Variants in HAUS6 observed in about 807,000 individuals in gnomAD.
HAUS6 encodes the protein HAUS augmin like complex subunit 6, also known as HAUS augmin-like complex subunit 6.
A neutral mutation model predicts 106.8 loss-of-function variants in HAUS6; 80 were observed. The observed-to-expected ratio is 0.75, with a 90% CI of 0.63 to 0.90. The LOEUF is 0.90. Ranked by LOEUF, HAUS6 falls within the 40% of genes least tolerant of loss-of-function variation. The probability of loss-of-function intolerance (pLI) is 0.00; values close to 1 mark genes in which losing one functional copy is unlikely to be tolerated. For missense variants in HAUS6, 1,155 were observed against 1,118.1 expected, an observed-to-expected ratio of 1.03 and a Z score of -0.47; for synonymous variants, 356 against 379.1, an observed-to-expected ratio of 0.94 and a Z score of 0.71.
rs901222965 is a variant in HAUS6, at chr9:19,079,661, G to A, written c.1064+818C>T. On this transcript the variant is annotated intron_variant, in intron 9 of 16. Transcript: ENST00000380502. ...TTTCTGGTTAATAAAAAAACTGTTCGAAAGGCTGAGGCAGGCGGATCACCT... is the reference window on the plus strand; with the variant it reads ...TTTCTGGTTAATAAAAAAACTGTTCAAAAGGCTGAGGCAGGCGGATCACCT... Among the ~76,000 whole-genome samples the A allele has an allele frequency of 6.6e-5, 10 of 152,176 alleles. 1 individual carries two copies. Among genetic ancestry groups the A allele is most frequent in the South Asian group, 2.1e-4 (1 of 4,822 alleles).
intron 4 of HAUS6, among the ~76,000 whole-genome samples, chr9:19,090,555 G>A (rs563201756): frequency 1.7e-4 from 26 of 152,156 alleles, no homozygotes; most frequent in South Asian, 1.7e-3. Context: ...TAGTAGAGAC[G>A]GGTTTCACCC....
At chr9:19,094,225 G>T in intron 3 of HAUS6, 92 bp downstream of exon 3, 1 of 698,914 alleles carries the variant, frequency 1.4e-6, no homozygotes, top group Non-Finnish European at 2.5e-6. Context: ...TAGCATTAAA[G>T]CATTAAAAGG....
At chr9:19,102,136 C>G (rs1262630973) in intron 1 of HAUS6, among the ~76,000 whole-genome samples, 1 of 152,192 alleles carries the variant, frequency 6.6e-6, no homozygotes. Context: ...TAAACAACCA[C>G]CTTCAAAGGC....
At chr9:19,064,346 A>T (rs908265181) in intron 12 of HAUS6, among the ~76,000 whole-genome samples, 3 of 152,216 alleles carry the variant, frequency 2.0e-5, no homozygotes, top group African/African-American at 7.2e-5. Flanking sequence ...ACTCTATAGC[A>T]AACATGTTAC....
chr9:19,064,124 C>G (rs1254000796), intron 12 of HAUS6, among the ~76,000 whole-genome samples: 1 of 152,080 alleles, frequency 6.6e-6, no homozygotes, highest in Admixed American at 6.6e-5. Context: ...TGCGCCACAA[C>G]ACCTGAGTAA....
In HAUS6 at chr9:19,063,184, T is replaced by C. The variant is rs1205781590; in HGVS notation, c.1453A>G (p.Met485Val). The change falls in exon 14 of 17, where the codon ATG (methionine) becomes GTG (valine). Residue 485 changes from methionine (M) to valine (V), a missense_variant. Met to Val is a conservative substitution (Grantham distance 21). Transcript: ENST00000380502. ...TCATTTTTTTCTTTGGGAGTTCCCA[T>C]CTTTGTGTCCTGAAGAAGACAGATA... ...SVTVLEKDTKMGTPKEKNEAI... is the reference protein window; with the variant it reads ...SVTVLEKDTKVGTPKEKNEAI... 3 of 1,597,888 alleles carry C rather than the reference T, an allele frequency of 1.9e-6. No homozygotes were observed. Among genetic ancestry groups the C allele is most frequent in the Non-Finnish European group, 2.6e-6 (3 of 1,167,768 alleles).
intron 11 of HAUS6, among the ~76,000 whole-genome samples, chr9:19,073,067 T>A (rs1176914791): frequency 6.6e-6 from 1 of 152,124 alleles, no homozygotes; most frequent in Non-Finnish European, 1.5e-5. Context: ...ATGTAATAAA[T>A]TTATTTTATA....
At chr9:19,063,246 G>A (rs185609478) in intron 13 of HAUS6, 53 bp from the exon 14 acceptor site, 10 of 1,194,980 alleles carry the variant, frequency 8.4e-6, no homozygotes, top group African/African-American at 6.1e-5. Context: ...GGCTGATCCT[G>A]AAGCTGTCTT....
At chr9:19,073,279 T>C (rs1428647821) in intron 11 of HAUS6, among the ~76,000 whole-genome samples, 2 of 152,154 alleles carry the variant, frequency 1.3e-5, no homozygotes, top group African/African-American at 4.8e-5. Context: ...CTTTTAAATA[T>C]GCTGAAATAT....
At chr9:19,096,541 G>A (rs539165263) in intron 2 of HAUS6, 133 bp downstream of exon 2, 18 of 524,326 alleles carry the variant, frequency 3.4e-5, no homozygotes, top group South Asian at 1.2e-4. Flanking sequence ...CTCCAGCCTC[G>A]ATGACGGAGT....
rs138642564 is a variant in HAUS6 at position 19,078,221 on chromosome 9, T to C, written c.1146A>G (p.Glu382=). ...KQGEWHKKWK[E]FLGLSPFSLI... The stretch of plus-strand genomic sequence containing the variant: ...GACTGAAAGGAGACAAACCAAGAAA[T>C]TCTTTCCACTTTTTATGCCATTCTC... The change falls in exon 10 of 17, where the codon GAA becomes GAG. Residue 382 remains glutamate (E), a synonymous_variant. Transcript: ENST00000380502. 6.3e-7 allele frequency: 1 copy of C among 1,597,576 alleles called. No homozygotes were observed. The highest frequency in any genetic ancestry group is 1.3e-5 in the African/African-American group (1 of 74,544).
intron 9 of HAUS6, among the ~76,000 whole-genome samples, chr9:19,079,189 A>C (rs560526056): frequency 6.0e-5 from 9 of 150,620 alleles, no homozygotes; most frequent in African/African-American, 2.2e-4. Context: ...AAATACACGA[A>C]ACAATAATAC....
chr9:19,081,736 G>A (rs1416234443), intron 8 of HAUS6, among the ~76,000 whole-genome samples: 1 of 152,102 alleles, frequency 6.6e-6, no homozygotes, highest in East Asian at 1.9e-4. Context: ...ACCATACCCA[G>A]ACAGTTTCCA....
chr9:19,102,068 G>A (rs944669600), intron 1 of HAUS6, among the ~76,000 whole-genome samples: 1 of 152,120 alleles, frequency 6.6e-6, no homozygotes, highest in African/African-American at 2.4e-5. Flanking sequence ...ACCCTTCTCC[G>A]TTGTTTTATG....
chr9:19,078,571 T>G (rs555638661), intron 9 of HAUS6, among the ~76,000 whole-genome samples: 19 of 152,210 alleles, frequency 1.2e-4, no homozygotes, highest in African/African-American at 3.6e-4. Flanking sequence ...GTGGATCACC[T>G]GAGGTCAGGA....
chr9:19,056,294 G>A lies in HAUS6; in HGVS notation c.*49C>T, dbSNP rs1234866539. 1 of 860,640 alleles carries A rather than the reference G, an allele frequency of 1.2e-6. No homozygotes were observed. Among genetic ancestry groups the A allele is most frequent in the Non-Finnish European group, 2.0e-6 (1 of 508,042 alleles). The allele number at this position is 860,640 out of a possible 1,614,324, so 53.3% of individuals were successfully genotyped here. A position where few individuals can be genotyped will look rare whatever the true frequency, so the allele number is the denominator to read the frequency against. ...GTTGTAATTCATTTTCTATCCTGTG[G>A]CATAGCTTCAATTTAAGTGCATCAT... On this transcript the variant is annotated 3_prime_UTR_variant, in exon 17 of 17. Coordinates refer to ENST00000380502, the MANE Select transcript of HAUS6 (RefSeq NM_017645.5).
At chr9:19,079,321 T>C (rs1716450995) in intron 9 of HAUS6, among the ~76,000 whole-genome samples, 1 of 150,594 alleles carries the variant, frequency 6.6e-6, no homozygotes, top group African/African-American at 2.4e-5. Flanking sequence ...AACCTCTGCC[T>C]CCCAGGTTCA....
Position 19,102,867 on chromosome 9 carries a change from C to CA in HAUS6, c.-217dup. On this transcript the variant is annotated 5_prime_UTR_variant, in exon 1 of 17. Transcript: ENST00000380502. ...CGGTATAGTGCGGCCACCACTGCCT[C>CA]AGCGAAGCCACCACAAACCGAGACT... 1 of 432,828 alleles carries CA rather than the reference C, an allele frequency of 2.3e-6. No homozygotes were observed. The highest frequency in any genetic ancestry group is 4.3e-5 in the Admixed American group (1 of 23,276). The allele number at this position is 432,828 out of a possible 1,614,324, so 26.8% of individuals were successfully genotyped here. A position where few individuals can be genotyped will look rare whatever the true frequency, so the allele number is the denominator to read the frequency against.
chr9:19,077,094 T>C (rs1424357771), intron 10 of HAUS6, among the ~76,000 whole-genome samples: 3 of 151,994 alleles, frequency 2.0e-5, no homozygotes, highest in African/African-American at 4.8e-5. Context: ...TCCTCCTGCC[T>C]CTGCCTCCCA....
Sources: gnomAD v4.1 joint callset for allele counts (sites outside exome capture counted in the v4.1 genomes callset) on GRCh38, gnomAD v4.1.1 for gene constraint, MANE v1.5 for transcripts, NCBI Gene and HGNC (gene_info 2026-07-23, HGNC 2026-07-21) for gene names.